UBE2E2: variants seen among roughly 807,000 people sequenced by gnomAD.
UBE2E2 encodes ubiquitin conjugating enzyme E2 E2.
A neutral mutation model predicts 24.7 loss-of-function variants in UBE2E2; 6 were observed. The ratio of observed to expected loss-of-function variants is 0.24; its 90% confidence interval spans 0.13 to 0.48. The LOEUF (loss-of-function observed/expected upper bound fraction) is 0.48, where lower values mean the gene tolerates loss of function less well. Among genes scored for constraint, UBE2E2 ranks in the 20% least tolerant of loss-of-function variants. The pLI, the probability that UBE2E2 is intolerant of heterozygous loss-of-function variation, is 0.99. For synonymous variants in UBE2E2, 104 were observed against 83.6 expected (o/e 1.24, Z -1.33); for missense variants, 169 against 245.0 (o/e 0.69, Z 2.07).
Position 23,515,190 on chromosome 3 carries a change from T to TAG in UBE2E2, c.360+15460_360+15461dup, listed in dbSNP as rs572087094. 7.3e-5 allele frequency among the ~76,000 whole-genome samples: 11 copies of TAG among 151,608 alleles called. No individual in the cohort carries two copies. The East Asian group carries it at 2.1e-3, about 29-fold the overall frequency. Reference sequence around the variant, plus strand: ...AGAGAGAGAGATACATACATATGTATAGAGAGAGAGATAAAGCAGATTTAG... The same window carrying TAG: ...AGAGAGAGAGATACATACATATGTATAGAGAGAGAGAGATAAAGCAGATTTAG... On this transcript the variant is annotated intron_variant, in intron 4 of 5. Coordinates refer to ENST00000396703, the MANE Select transcript of UBE2E2 (RefSeq NM_152653.4).
At chr3:23,353,110 A>G (rs1695812480) in intron 3 of UBE2E2, among the ~76,000 whole-genome samples, 2 of 152,270 alleles carry the variant, frequency 1.3e-5, no homozygotes, top group Admixed American at 1.3e-4. Context: ...ACTCCAGCAT[A>G]TAAACAGAAC....
At chr3:23,510,315 G>C (rs992928894) in intron 4 of UBE2E2, among the ~76,000 whole-genome samples, 8 of 152,102 alleles carry the variant, frequency 5.3e-5, no homozygotes, top group Non-Finnish European at 2.9e-5. Context: ...TAAATAAAAT[G>C]CATCTAGGGG....
intron 3 of UBE2E2, among the ~76,000 whole-genome samples, chr3:23,364,083 A>G (rs1696196805): frequency 2.6e-5 from 4 of 152,024 alleles, no homozygotes; most frequent in African/African-American, 7.2e-5. Flanking sequence ...ACCAAGTACA[A>G]CATACCAGAA....
intron 3 of UBE2E2, among the ~76,000 whole-genome samples, chr3:23,300,534 C>A (rs1272954523): frequency 6.6e-6 from 1 of 152,114 alleles, no homozygotes; most frequent in Non-Finnish European, 1.5e-5. Flanking sequence ...ATTTCTCCTT[C>A]ACTTATGAAG....
At chr3:23,507,394 A>G (rs769407066) in intron 4 of UBE2E2, among the ~76,000 whole-genome samples, 6 of 152,232 alleles carry the variant, frequency 3.9e-5, no homozygotes, top group Admixed American at 2.6e-4. Context: ...TGTAAGCTCA[A>G]TGAACACAGA....
chr3:23,571,280 C>CTTTCTTTTTTTTTTTTTTTTTTT lies in UBE2E2; in HGVS notation c.509-18451_509-18450insCTTTTTTTTTTTTTTTTTTTTTT, dbSNP rs1696218039. On this transcript the variant is annotated intron_variant, in intron 5 of 5. Coordinates refer to ENST00000396703, the MANE Select transcript of UBE2E2 (RefSeq NM_152653.4). ...AGTCCCCTCACCTGTGTGCTCCTTTCTTTTTTTTTTTTTTTTTTTTTTTTT... is the reference window on the plus strand; with the variant it reads ...AGTCCCCTCACCTGTGTGCTCCTTTCTTTCTTTTTTTTTTTTTTTTTTTTTTTTTTTTTTTTTTTTTTTTTTTT... Among the ~76,000 whole-genome samples, 11 of 29,866 alleles carry CTTTCTTTTTTTTTTTTTTTTTTT rather than the reference C, an allele frequency of 3.7e-4. 1 individual carries two copies. The highest frequency in any genetic ancestry group is 1.0e-3 in the African/African-American group (10 of 9,702). 19.6% of individuals were successfully genotyped at this position (29,866 alleles called of 152,430 possible).
chr3:23,278,047 G>T (rs1698408429), intron 3 of UBE2E2, among the ~76,000 whole-genome samples: 1 of 152,000 alleles, frequency 6.6e-6, no homozygotes, highest in Non-Finnish European at 1.5e-5. Flanking sequence ...TTTATGATTT[G>T]GGATTAAAGT....
intron 3 of UBE2E2, among the ~76,000 whole-genome samples, chr3:23,298,757 G>C (rs1698985034): frequency 6.6e-6 from 1 of 151,688 alleles, no homozygotes; most frequent in African/African-American, 2.4e-5. Context: ...CTCTTTTTTG[G>C]TTGTGTCTCT....
At chr3:23,233,686 TAAAAGGTAAA>T (rs1460769228) in intron 3 of UBE2E2, among the ~76,000 whole-genome samples, 1 of 152,160 alleles carries the variant, frequency 6.6e-6, no homozygotes, top group East Asian at 1.9e-4. Flanking sequence ...AAGTTTTGCC[TAAAAGGTAAA>T]ATGGACCCCA....
chr3:23,320,732 TA>T (rs1320199943), intron 3 of UBE2E2, among the ~76,000 whole-genome samples: 1 of 152,246 alleles, frequency 6.6e-6, no homozygotes, highest in African/African-American at 2.4e-5. Flanking sequence ...TAGTCTGGAC[TA>T]CTAGGGATTA....
intron 3 of UBE2E2, among the ~76,000 whole-genome samples, chr3:23,438,180 G>GAAAGGTGTTCCAGACAAGC (rs1195868593): frequency 6.6e-6 from 1 of 152,204 alleles, no homozygotes; most frequent in Non-Finnish European, 1.5e-5. Flanking sequence ...AGTAAAGCAA[G>GAAAGGTGTTCCAGACAAGC]AAAGGTGTTC....
intron 3 of UBE2E2, among the ~76,000 whole-genome samples, chr3:23,266,596 T>A (rs1411617768): frequency 6.6e-6 from 1 of 152,048 alleles, no homozygotes; most frequent in East Asian, 1.9e-4. Flanking sequence ...ATTTCAACTT[T>A]GCTGAATCTG....
chr3:23,331,715 G>A lies in UBE2E2; in HGVS notation c.227+114403G>A, dbSNP rs539296579. On this transcript the variant is annotated intron_variant, in intron 3 of 5. Coordinates refer to ENST00000396703, the MANE Select transcript of UBE2E2 (RefSeq NM_152653.4). ...TGGAGAGGAGTGAGCCATGGAAAGA[G>A]TGGGAGGAGATGAGAGAGAGGAAGT... Among the ~76,000 whole-genome samples the A allele has an allele frequency of 1.2e-4, 18 of 152,216 alleles. No individual in the cohort carries two copies. The East Asian group carries it at 3.5e-3, about 29-fold the overall frequency.
intron 3 of UBE2E2, among the ~76,000 whole-genome samples, chr3:23,430,123 C>T (rs1400378829): frequency 6.6e-6 from 1 of 152,136 alleles, no homozygotes; most frequent in East Asian, 1.9e-4. Flanking sequence ...ATTCAGACCC[C>T]TTGAATGTTG....
At chr3:23,217,422 A>C in intron 3 of UBE2E2, 110 bp downstream of exon 3, 1 of 1,005,362 alleles carries the variant, frequency 9.9e-7, no homozygotes, top group South Asian at 1.4e-5. Context: ...TAAAAACATC[A>C]TTGTTGTTTG....
chr3:23,566,060 TAA>T (rs1696066454), intron 5 of UBE2E2, among the ~76,000 whole-genome samples: 1 of 152,214 alleles, frequency 6.6e-6, no homozygotes, highest in African/African-American at 2.4e-5. Flanking sequence ...TTACTGAGCA[TAA>T]AGTTTTTTGC....
chr3:23,230,183 G>T (rs1696935765), intron 3 of UBE2E2, among the ~76,000 whole-genome samples: 3 of 152,106 alleles, frequency 2.0e-5, no homozygotes, highest in African/African-American at 7.2e-5. Context: ...TAATTGGTTA[G>T]ATATTTATTT....
intron 3 of UBE2E2, among the ~76,000 whole-genome samples, chr3:23,232,315 A>G (rs1161928660): frequency 1.3e-5 from 2 of 152,214 alleles, no homozygotes; most frequent in Non-Finnish European, 2.9e-5. Context: ...CAAAATATCC[A>G]TCACTTTGCT....
intron 3 of UBE2E2, among the ~76,000 whole-genome samples, chr3:23,254,198 A>C (rs917624788): frequency 6.6e-6 from 1 of 152,252 alleles, no homozygotes; most frequent in Non-Finnish European, 1.5e-5. Context: ...CCTTGCTCCA[A>C]GAGACCTCTG....
Sources: gnomAD v4.1 joint callset for allele counts (sites outside exome capture counted in the v4.1 genomes callset) on GRCh38, gnomAD v4.1.1 for gene constraint, MANE v1.5 for transcripts, NCBI Gene and HGNC (gene_info 2026-07-23, HGNC 2026-07-21) for gene names.